COL6A1: variants seen among roughly 807,000 people sequenced by gnomAD.
The protein encoded by COL6A1 is collagen alpha-1(VI) chain.
In COL6A1, 80 loss-of-function variants were observed where a neutral mutation model predicts 145.6. That is an observed-to-expected ratio of 0.55 (90% CI 0.46 to 0.66). The LOEUF (loss-of-function observed/expected upper bound fraction) is 0.66, where lower values mean the gene tolerates loss of function less well. Among genes scored for constraint, COL6A1 ranks in the 30% least tolerant of loss-of-function variants. The pLI is 0.00. For missense variants in COL6A1, 1,364 were observed against 1,473.8 expected (o/e 0.93, Z 1.22); for synonymous variants, 638 against 622.8 (o/e 1.02, Z -0.36).
rs1365870781 is a variant in COL6A1, at chr21:45,989,068, C to A, written c.805-16C>A. 6.2e-7 allele frequency: 1 copy of A among 1,611,062 alleles called. No individual in the cohort carries two copies. The highest frequency in any genetic ancestry group is 2.2e-5 in the East Asian group (1 of 44,860). Reference sequence around the variant, plus strand: ...GAAACGGGGCTGCCCCAACCTTGACCTGTTTTGTGTTCCAGGGAGAACGAG... The same window carrying A: ...GAAACGGGGCTGCCCCAACCTTGACATGTTTTGTGTTCCAGGGAGAACGAG... On this transcript the variant is annotated splice_polypyrimidine_tract_variant and intron_variant, in intron 8 of 34. Coordinates refer to ENST00000361866, the MANE Select transcript of COL6A1 (RefSeq NM_001848.3).
intron 1 of COL6A1, among the ~76,000 whole-genome samples, chr21:45,982,428 G>A (rs997382782): frequency 2.0e-5 from 3 of 152,168 alleles, no homozygotes; most frequent in African/African-American, 7.2e-5. Flanking sequence ...GACTCCCCTC[G>A]AGGCACAGGA....
chr21:45,982,765 TAGG>T lies in COL6A1; in HGVS notation c.227+6_227+8del. ...CTTCATCGACAACCTGAGGGACAGG[TAGG>T]AGGGACGCCCCGTGACCTTCCTCCT... is the stretch of plus-strand genomic sequence containing the variant. On this transcript the variant is annotated splice_donor_5th_base_variant and intron_variant, in intron 2 of 34. Coordinates refer to ENST00000361866, the MANE Select transcript of COL6A1 (RefSeq NM_001848.3). 1 of 1,611,954 alleles carries T rather than the reference TAGG, an allele frequency of 6.2e-7. No homozygotes were observed. The highest frequency in any genetic ancestry group is 8.5e-7 in the Non-Finnish European group (1 of 1,179,846).
chr21:45,989,699 C>T (rs1414325373), intron 10 of COL6A1, 47 bp downstream of exon 10: 1 of 1,612,970 alleles, frequency 6.2e-7, no homozygotes, highest in East Asian at 2.2e-5. Flanking sequence ...TGCCCTCAGC[C>T]TTGCACAGCA....
At position 45,986,996 on chromosome 21, in the gene COL6A1, C is replaced by T. The variant is rs369123247; in HGVS notation, c.641C>T (p.Thr214Met). ...GACCACACGTACCGGCGCAACTTCA[C>T]GGCGGCTGACTGGGGCCAGAGCCGC... ...ATDHTYRRNF[T>M]AADWGQSRDA... The change falls in exon 5 of 35, where the codon ACG becomes ATG. Residue 214 changes from threonine to methionine, a missense_variant. Thr to Met is a moderately conservative substitution (Grantham distance 81). Transcript: ENST00000361866. The T allele has an allele frequency of 1.5e-5, 23 of 1,551,384 alleles. No individual in the cohort carries two copies. Among genetic ancestry groups the T allele is most frequent in the East Asian group, 2.4e-5 (1 of 41,228 alleles).
At chr21:45,999,755 G>A (rs1420378279) in intron 27 of COL6A1, 63 bp downstream of exon 27, 9 of 1,570,286 alleles carry the variant, frequency 5.7e-6, no homozygotes, top group Non-Finnish European at 7.8e-6. Flanking sequence ...CTTGGGGTGT[G>A]GGTCCTGTCC....
rs766763701 is a variant in COL6A1 at position 45,994,277 on chromosome 21, G to C, written c.1398+48G>C. 2.6e-6 allele frequency: 4 copies of C among 1,562,760 alleles called. No individual in the cohort carries two copies. The East Asian group carries it at 6.9e-5, about 27-fold the overall frequency. On this transcript the variant is annotated intron_variant, in intron 20 of 34. Coordinates refer to ENST00000361866, the MANE Select transcript of COL6A1 (RefSeq NM_001848.3). The surrounding 1 kb of genome is among the most constrained non-coding windows in gnomAD (Gnocchi z 6.8). ...GGGGCGTTGGCCAATTTGGGTTTTG[G>C]GGGTAGAAGTGCTCCAGCAGCTCAC...
At position 45,982,610 on chromosome 21, in the gene COL6A1, C is replaced by T. The variant is rs751324360; in HGVS notation, c.98-24C>T. ...GGGGAATGGGGCGAGAGCTTGAAGGCCCCTCTCCTCCATCTTCGGCCAGAC... is the reference window on the plus strand; with the variant it reads ...GGGGAATGGGGCGAGAGCTTGAAGGTCCCTCTCCTCCATCTTCGGCCAGAC... On this transcript the variant is annotated intron_variant, in intron 1 of 34. Transcript: ENST00000361866. The T allele has an allele frequency of 1.9e-6, 3 of 1,612,398 alleles. No individual in the cohort carries two copies. In the African/African-American group the frequency reaches 4.0e-5, roughly 22 times the overall value.
chr21:45,993,827 C>T (rs942504875), intron 19 of COL6A1, among the ~76,000 whole-genome samples: 2 of 152,240 alleles, frequency 1.3e-5, no homozygotes, highest in African/African-American at 2.4e-5. Flanking sequence ...GGGCCAGCCA[C>T]GCAGCTCCAG....
chr21:45,983,136 G>A (rs933047332), intron 2 of COL6A1, among the ~76,000 whole-genome samples: 1 of 152,338 alleles, frequency 6.6e-6, no homozygotes, highest in South Asian at 2.1e-4. Context: ...CCTGGTGCGC[G>A]GGAGCCCCTC....
intron 24 of COL6A1, 21 bp from the exon 25 acceptor site, chr21:45,998,876 A>G (rs775644672): frequency 6.4e-7 from 1 of 1,552,058 alleles, no homozygotes; most frequent in Non-Finnish European, 8.7e-7. Context: ...TTGTTAACCA[A>G]GTGCTCTCCC....
At chr21:45,999,244 C>T in intron 26 of COL6A1, 26 bp downstream of exon 26, 4 of 1,573,074 alleles carry the variant, frequency 2.5e-6, no homozygotes, top group Non-Finnish European at 2.6e-6. Context: ...TGGGTGAGGC[C>T]ACGGTGGGCT....
At chr21:45,986,441 G>A (rs2077739137) in intron 3 of COL6A1, 85 bp from the exon 4 acceptor site, 6 of 1,398,566 alleles carry the variant, frequency 4.3e-6, no homozygotes, top group Non-Finnish European at 4.0e-6. Context: ...GGTGAGACAG[G>A]GACCAGCACC....
chr21:45,994,975 G>A lies in COL6A1; in HGVS notation c.1398+746G>A, dbSNP rs915147509. Reference sequence around the variant, plus strand: ...ATGTGCGCAGCTGCCCACACACCGAGCACAAGGCCAGACCCTGGGCACGGC... The same window carrying A: ...ATGTGCGCAGCTGCCCACACACCGAACACAAGGCCAGACCCTGGGCACGGC... On this transcript the variant is annotated intron_variant, in intron 20 of 34. Coordinates refer to ENST00000361866, the MANE Select transcript of COL6A1 (RefSeq NM_001848.3). This position sits in a 1 kb window ranked among gnomAD's most constrained non-coding sequence, Gnocchi z 6.8. Among the ~76,000 whole-genome samples the A allele has an allele frequency of 3.3e-5, 5 of 152,246 alleles. No homozygotes were observed. The highest frequency in any genetic ancestry group is 6.5e-5 in the Admixed American group (1 of 15,286).
rs771789059 is a variant in COL6A1 at position 45,994,725 on chromosome 21, C to A, written c.1398+496C>A. ...ATTCCCTTCTCCGAGCCTCTGGAAT[C>A]GCTGTGCACGCCGCACGGCTTTCTG... is the stretch of plus-strand genomic sequence containing the variant. On this transcript the variant is annotated intron_variant, in intron 20 of 34. Coordinates refer to ENST00000361866, the MANE Select transcript of COL6A1 (RefSeq NM_001848.3). The surrounding 1 kb of genome is among the most constrained non-coding windows in gnomAD (Gnocchi z 6.8). Among the ~76,000 whole-genome samples the A allele has an allele frequency of 6.6e-5, 10 of 152,198 alleles. No homozygotes were observed. Among genetic ancestry groups the A allele is most frequent in the Non-Finnish European group, 1.5e-4 (10 of 68,032 alleles).
At position 46,003,042 on chromosome 21, in the gene COL6A1, G is replaced by A. The variant is rs76087328; in HGVS notation, c.2435-78G>A. The stretch of plus-strand genomic sequence containing the variant: ...GGCACGGCCACCCCTGTGCTCGGCC[G>A]GGAGGTCCTGTGACATCTCCTTGCG... On this transcript the variant is annotated intron_variant, in intron 33 of 34. Transcript: ENST00000361866. 0.027 allele frequency: 43,676 copies of A among 1,604,962 alleles called. 723 individuals are homozygous for A. The highest frequency in any genetic ancestry group is 0.031 in the Non-Finnish European group (36,815 of 1,172,188).
At chr21:45,984,588 C>T in intron 3 of COL6A1, 119 bp downstream of exon 3, 1 of 941,504 alleles carries the variant, frequency 1.1e-6, no homozygotes, top group Non-Finnish European at 1.7e-6. Flanking sequence ...CTCTTGGAGG[C>T]TGCACGGCCT....
In COL6A1 at chr21:45,987,486, T is replaced by A; in HGVS notation, c.739-13T>A. The stretch of plus-strand genomic sequence containing the variant: ...CTTTCCCACTGACTCGTCTCCATGC[T>A]TTCCCCCCACAGTGCTGCTCCTTCG... On this transcript the variant is annotated splice_polypyrimidine_tract_variant and intron_variant, in intron 6 of 34. Coordinates refer to ENST00000361866, the MANE Select transcript of COL6A1 (RefSeq NM_001848.3). 1.2e-6 allele frequency: 2 copies of A among 1,612,594 alleles called. No homozygotes were observed. The highest frequency in any genetic ancestry group is 1.7e-6 in the Non-Finnish European group (2 of 1,179,980).
chr21:45,998,482 A>C, intron 24 of COL6A1, 49 bp downstream of exon 24: 1 of 1,611,882 alleles, frequency 6.2e-7, no homozygotes, highest in African/African-American at 1.3e-5. Context: ...AAACATTCAC[A>C]GTCACAGGGA....
Position 45,993,989 on chromosome 21 carries a change from T to C in COL6A1, c.1336-178T>C, listed in dbSNP as rs571964949. On this transcript the variant is annotated intron_variant, in intron 19 of 34. Transcript: ENST00000361866. Reference sequence around the variant, plus strand: ...AGATAGCCATAGCCAGCCACGCCGATGGCCACGCACGTGGGCCGAGGAAAC... The same window carrying C: ...AGATAGCCATAGCCAGCCACGCCGACGGCCACGCACGTGGGCCGAGGAAAC... Among the ~76,000 whole-genome samples the C allele has an allele frequency of 2.3e-4, 35 of 152,298 alleles. 1 individual carries two copies. Among genetic ancestry groups the C allele is most frequent in the South Asian group, 6.2e-4 (3 of 4,826 alleles).
Sources: gnomAD v4.1 joint callset for allele counts (sites outside exome capture counted in the v4.1 genomes callset) on GRCh38, gnomAD v4.1.1 for gene constraint, Gnocchi (gnomAD v3.1) non-coding constraint, MANE v1.5 for transcripts, NCBI Gene and HGNC (gene_info 2026-07-23, HGNC 2026-07-21) for gene names.